The following FAM13B variants were observed in gnomAD, a reference collection of about 807,000 sequenced individuals.
FAM13B encodes protein FAM13B.
A neutral mutation model predicts 117.3 loss-of-function variants in FAM13B; 60 were observed. The observed-to-expected ratio is 0.51, with a 90% CI of 0.42 to 0.63. The LOEUF (loss-of-function observed/expected upper bound fraction) is 0.63. Among genes scored for constraint, FAM13B ranks in the 30% least tolerant of loss-of-function variants. The pLI, the probability that FAM13B is intolerant of heterozygous loss-of-function variation, is 0.00. For synonymous variants in FAM13B, 332 were observed against 356.1 expected (o/e 0.93, Z 0.76); for missense variants, 972 against 1,091.9 (o/e 0.89, Z 1.55).
In FAM13B at chr5:138,019,969, G is replaced by A. The variant is rs899832433; in HGVS notation, c.-35-823C>T. On this transcript the variant is annotated intron_variant, in intron 2 of 23. Coordinates refer to ENST00000689681, the MANE Select transcript of FAM13B (RefSeq NM_001385994.1). ...GCTGGGATTACAGGCGTTAGCCACCGCACCCGGCCTGTAATACATTTTTAT... is the reference window on the plus strand; with the variant it reads ...GCTGGGATTACAGGCGTTAGCCACCACACCCGGCCTGTAATACATTTTTAT... 3.2e-5 allele frequency: 31 copies of A among 971,362 alleles called. No individual in the cohort carries two copies. The East Asian group carries it at 4.6e-4, about 14-fold the overall frequency. The allele number at this position is 971,362 out of a possible 1,614,324, so 60.2% of individuals were successfully genotyped here.
At chr5:137,947,643 G>T (rs1236709959) in intron 18 of FAM13B, among the ~76,000 whole-genome samples, 1 of 151,746 alleles carries the variant, frequency 6.6e-6, no homozygotes, top group Non-Finnish European at 1.5e-5. Flanking sequence ...GTGCAATGGT[G>T]CAATCCTGGC....
chr5:137,988,142 A>T, intron 8 of FAM13B, 132 bp downstream of exon 8: 1 of 537,212 alleles, frequency 1.9e-6, no homozygotes, highest in Non-Finnish European at 3.2e-6. Flanking sequence ...CTATCACAGT[A>T]CATAAAAAAC....
At position 137,953,484 on chromosome 5, in the gene FAM13B, C is replaced by A; in HGVS notation, c.1719-19G>T. The A allele has an allele frequency of 6.2e-7, 1 of 1,611,596 alleles. No individual in the cohort carries two copies. The highest frequency in any genetic ancestry group is 8.5e-7 in the Non-Finnish European group (1 of 1,179,280). On this transcript the variant is annotated intron_variant, in intron 15 of 23. Coordinates refer to ENST00000689681, the MANE Select transcript of FAM13B (RefSeq NM_001385994.1). Reference sequence around the variant, plus strand: ...TCGAATTCTGAATTAAAACAAAAGGCCAACACTGTTAAATTTTCAAGTACC... The same window carrying A: ...TCGAATTCTGAATTAAAACAAAAGGACAACACTGTTAAATTTTCAAGTACC...
At chr5:137,967,951 C>G (rs1318678828) in intron 10 of FAM13B, among the ~76,000 whole-genome samples, 1 of 151,744 alleles carries the variant, frequency 6.6e-6, no homozygotes, top group Non-Finnish European at 1.5e-5. Flanking sequence ...AGGCCAGGCG[C>G]GGTGGCTCAC....
chr5:138,007,731 T>C (rs1782908237), intron 6 of FAM13B, among the ~76,000 whole-genome samples: 1 of 152,222 alleles, frequency 6.6e-6, no homozygotes, highest in Admixed American at 6.5e-5. Context: ...TATAATTATC[T>C]TGCTAGCAGG....
At chr5:137,951,338 A>C (rs1029443095) in intron 17 of FAM13B, among the ~76,000 whole-genome samples, 4 of 152,058 alleles carry the variant, frequency 2.6e-5, no homozygotes, top group African/African-American at 4.8e-5. Context: ...GTTGTCTACA[A>C]AGTATTTAGT....
chr5:138,021,780 C>A (rs1202157024), intron 1 of FAM13B, among the ~76,000 whole-genome samples: 1 of 152,130 alleles, frequency 6.6e-6, no homozygotes, highest in Non-Finnish European at 1.5e-5. Flanking sequence ...TGGTGAACAA[C>A]TTCCATGTCT....
At chr5:137,971,142 A>T (rs1581132417) in intron 10 of FAM13B, among the ~76,000 whole-genome samples, 1 of 151,554 alleles carries the variant, frequency 6.6e-6, no homozygotes. Flanking sequence ...CTCCACCCCA[A>T]ATCAACAGAA....
chr5:138,019,070 G>C lies in FAM13B; in HGVS notation c.42C>G (p.Ser14=), dbSNP rs534692625. 1 of 1,614,002 alleles carries C rather than the reference G, an allele frequency of 6.2e-7. No individual in the cohort carries two copies. Among genetic ancestry groups the C allele is most frequent in the Non-Finnish European group, 8.5e-7 (1 of 1,179,960 alleles). ...TTCCAAATATTTTGTTAGCAAGAAC[G>C]GAGTTGCAGTTACTCAAGGAAGGGG... is the stretch of plus-strand genomic sequence containing the variant. ...SSSPSLSNCN[S]VLANKIFGIP... Residue 14 remains serine, a synonymous_variant, in exon 3 of 24, where the codon TCC becomes TCG. Transcript: ENST00000689681.
chr5:137,979,533 G>A (rs1323478643), intron 10 of FAM13B, among the ~76,000 whole-genome samples: 3 of 151,968 alleles, frequency 2.0e-5, no homozygotes, highest in Admixed American at 6.6e-5. Flanking sequence ...CAGGCTCTAC[G>A]TATGACCCAA....
intron 10 of FAM13B, among the ~76,000 whole-genome samples, chr5:137,968,746 G>A (rs1274327352): frequency 1.3e-5 from 2 of 152,200 alleles, no homozygotes; most frequent in African/African-American, 2.4e-5. Flanking sequence ...AGGTCAGTGG[G>A]TGCGTGCATC....
chr5:138,046,405 T>G (rs573876730), intron 1 of FAM13B, among the ~76,000 whole-genome samples: 1 of 152,342 alleles, frequency 6.6e-6, no homozygotes, highest in Admixed American at 6.5e-5. Context: ...AGGTGGTATG[T>G]GACAGACAAG....
chr5:137,952,676 C>T lies in FAM13B; in HGVS notation c.1882G>A (p.Val628Ile), dbSNP rs748577466. 1.3e-4 allele frequency: 201 copies of T among 1,605,938 alleles called. No homozygotes were observed. The highest frequency in any genetic ancestry group is 1.6e-4 in the Non-Finnish European group (183 of 1,175,830). Reference protein sequence around the residue: ...SYSDIAANPKVLKWMTELTKL... With the variant: ...SYSDIAANPKILKWMTELTKL... ...GTAAGCTCTGTCATCCATTTTAATA[C>T]CTTTGGATTGGCAGCAATATCACTG... The change falls in exon 17 of 24, where the codon GTA becomes ATA. Residue 628 changes from valine to isoleucine, a missense_variant. Val to Ile is a conservative substitution (Grantham distance 29). Coordinates refer to ENST00000689681, the MANE Select transcript of FAM13B (RefSeq NM_001385994.1).
At position 137,981,708 on chromosome 5, in the gene FAM13B, C is replaced by A. The variant is rs554885511; in HGVS notation, c.1179+3549G>T. On this transcript the variant is annotated intron_variant, in intron 10 of 23. Coordinates refer to ENST00000689681, the MANE Select transcript of FAM13B (RefSeq NM_001385994.1). ...GGCTGAGGCAGGAGAATGGCTTGAACCTGGGGGGCAGAGGCTGTACTGTGC... is the reference window on the plus strand; with the variant it reads ...GGCTGAGGCAGGAGAATGGCTTGAAACTGGGGGGCAGAGGCTGTACTGTGC... Among the ~76,000 whole-genome samples, 5 of 151,744 alleles carry A rather than the reference C, an allele frequency of 3.3e-5. No individual in the cohort carries two copies. In the South Asian group the frequency reaches 1.0e-3, roughly 32 times the overall value.
At chr5:137,955,830 C>T (rs1302776638) in intron 14 of FAM13B, among the ~76,000 whole-genome samples, 2 of 152,114 alleles carry the variant, frequency 1.3e-5, no homozygotes, top group Non-Finnish European at 2.9e-5. Context: ...TGGGGTTTCA[C>T]CATGTTGGCC....
At chr5:138,044,327 G>C (rs528364554) in intron 1 of FAM13B, among the ~76,000 whole-genome samples, 2 of 152,058 alleles carry the variant, frequency 1.3e-5, no homozygotes, top group African/African-American at 4.8e-5. Context: ...CAAGGTGAGC[G>C]GATCACCTGA....
chr5:137,984,925 C>T (rs1227391757), intron 10 of FAM13B, among the ~76,000 whole-genome samples: 2 of 151,960 alleles, frequency 1.3e-5, no homozygotes, highest in South Asian at 2.1e-4. Flanking sequence ...CCCACCACCA[C>T]GCCCGGCTAA....
chr5:137,944,986 A>C (rs1035032404), intron 20 of FAM13B, among the ~76,000 whole-genome samples: 4 of 152,076 alleles, frequency 2.6e-5, no homozygotes, highest in African/African-American at 9.7e-5. Flanking sequence ...GGAATGAAAA[A>C]TGTTGTGCAC....
At chr5:138,025,028 GC>G (rs1407488289) in intron 1 of FAM13B, among the ~76,000 whole-genome samples, 3 of 151,588 alleles carry the variant, frequency 2.0e-5, no homozygotes, top group African/African-American at 7.3e-5. Flanking sequence ...GTGCCACCAT[GC>G]ACGGCTAATT....
Sources: allele counts gnomAD v4.1 joint callset (sites outside exome capture counted in the v4.1 genomes callset), GRCh38; gene constraint gnomAD v4.1.1; transcripts MANE v1.5; gene names NCBI Gene and HGNC (gene_info 2026-07-23, HGNC 2026-07-21).